Variants in RSPO3 observed in about 807,000 individuals in gnomAD.
RSPO3 encodes R-spondin-3.
Under a neutral mutation model 36.5 loss-of-function variants are expected in RSPO3, and 17 were observed. The observed-to-expected ratio is 0.47, with a 90% CI of 0.32 to 0.70. RSPO3 has a LOEUF of 0.70. Among genes scored for constraint, RSPO3 ranks in the 30% least tolerant of loss-of-function variants. The pLI, the probability that RSPO3 is intolerant of heterozygous loss-of-function variation, is 0.04. For synonymous variants in RSPO3, 108 were observed against 107.0 expected (o/e 1.01, Z -0.06); for missense variants, 294 against 322.5 (o/e 0.91, Z 0.68).
intron 1 of RSPO3, among the ~76,000 whole-genome samples, chr6:127,125,539 A>G (rs1038730889): frequency 6.6e-6 from 1 of 152,180 alleles, no homozygotes; most frequent in Non-Finnish European, 1.5e-5. Context: ...TCAACATTTA[A>G]TCTTTTGGTA....
At chr6:127,163,721 T>A (rs911219397) in intron 4 of RSPO3, among the ~76,000 whole-genome samples, 1 of 152,090 alleles carries the variant, frequency 6.6e-6, no homozygotes, top group Non-Finnish European at 1.5e-5. Flanking sequence ...TACTTATTAC[T>A]TTAATAGCAA....
rs1395708841 is a variant in RSPO3, at chr6:127,192,381, T to TA, written c.635-3440dup. 1.3e-5 allele frequency among the ~76,000 whole-genome samples: 2 copies of TA among 152,230 alleles called. 1 individual carries two copies. Among genetic ancestry groups the TA allele is most frequent in the East Asian group, 3.8e-4 (2 of 5,202 alleles). On this transcript the variant is annotated intron_variant, in intron 4 of 4. Transcript: ENST00000356698. ...CTAAATGCTCTACCAGCATCTCATT[T>TA]AATCCTTATGAAGTTTAGCAAGAAG...
intron 4 of RSPO3, among the ~76,000 whole-genome samples, chr6:127,176,644 C>T (rs1775061518): frequency 1.3e-5 from 2 of 151,706 alleles, no homozygotes; most frequent in South Asian, 4.1e-4. Context: ...TATGTGTCAA[C>T]AGAAAGTAAT....
chr6:127,145,307 C>T (rs979599672), intron 1 of RSPO3, among the ~76,000 whole-genome samples: 7 of 152,022 alleles, frequency 4.6e-5, no homozygotes, highest in African/African-American at 1.5e-4. Context: ...TTGCCTCTGC[C>T]GTACTTTAAG....
chr6:127,150,217 A>G (rs564106968), intron 2 of RSPO3, among the ~76,000 whole-genome samples: 1 of 151,920 alleles, frequency 6.6e-6, no homozygotes, highest in Admixed American at 6.6e-5. Flanking sequence ...TCATAGGGCA[A>G]TCAGTACAAT....
chr6:127,150,213 G>A (rs1016316967), intron 2 of RSPO3, among the ~76,000 whole-genome samples: 1 of 150,340 alleles, frequency 6.7e-6, no homozygotes, highest in Non-Finnish European at 1.5e-5. Flanking sequence ...TTTTTCATAG[G>A]GCAATCAGTA....
At chr6:127,188,261 A>C (rs1775335726) in intron 4 of RSPO3, among the ~76,000 whole-genome samples, 1 of 152,226 alleles carries the variant, frequency 6.6e-6, no homozygotes, top group East Asian at 1.9e-4. Flanking sequence ...GCAATGGTCC[A>C]TTTGTAAGGA....
chr6:127,145,094 T>A (rs1774356077), intron 1 of RSPO3, among the ~76,000 whole-genome samples: 1 of 152,168 alleles, frequency 6.6e-6, no homozygotes, highest in Non-Finnish European at 1.5e-5. Context: ...AACGTCAGTA[T>A]TCTATGCACC....
intron 1 of RSPO3, chr6:127,120,020 C>G (rs1043169582): frequency 6.6e-6 from 1 of 152,368 alleles, no homozygotes; most frequent in African/African-American, 2.4e-5. Flanking sequence ...TGTACCATCT[C>G]TGGCCCTTTC....
intron 4 of RSPO3, among the ~76,000 whole-genome samples, chr6:127,187,097 G>A (rs1775309684): frequency 6.6e-6 from 1 of 152,140 alleles, no homozygotes; most frequent in African/African-American, 2.4e-5. Context: ...AGCAGCAGGG[G>A]GCGCCAGCGG....
At chr6:127,123,031 G>T (rs191101625) in intron 1 of RSPO3, among the ~76,000 whole-genome samples, 9 of 151,970 alleles carry the variant, frequency 5.9e-5, no homozygotes, top group Admixed American at 3.3e-4. Flanking sequence ...ATAAAACTTC[G>T]CAAGTCTTTC....
At chr6:127,126,206 G>C (rs1189409034) in intron 1 of RSPO3, among the ~76,000 whole-genome samples, 1 of 151,982 alleles carries the variant, frequency 6.6e-6, no homozygotes, top group Non-Finnish European at 1.5e-5. Context: ...GGACGTTTAG[G>C]AACTCAAAAC....
chr6:127,126,519 A>G (rs1773941850), intron 1 of RSPO3, among the ~76,000 whole-genome samples: 1 of 152,064 alleles, frequency 6.6e-6, no homozygotes, highest in Non-Finnish European at 1.5e-5. Flanking sequence ...CATAAGCTGT[A>G]GTTGTTGTTG....
At chr6:127,182,494 A>G (rs937102184) in intron 4 of RSPO3, among the ~76,000 whole-genome samples, 2 of 151,890 alleles carry the variant, frequency 1.3e-5, no homozygotes, top group African/African-American at 4.8e-5. Flanking sequence ...TAAATGAGAA[A>G]TATTTATTTT....
chr6:127,150,640 C>A (rs1360888518), intron 3 of RSPO3, 68 bp downstream of exon 3: 13 of 1,476,742 alleles, frequency 8.8e-6, no homozygotes, highest in Non-Finnish European at 1.1e-5. Context: ...TTTTCAAAGT[C>A]CTTTGCCAAA....
At chr6:127,181,837 C>T (rs1333802103) in intron 4 of RSPO3, among the ~76,000 whole-genome samples, 6 of 151,974 alleles carry the variant, frequency 3.9e-5, no homozygotes, top group Non-Finnish European at 5.9e-5. Context: ...TCATTGATCA[C>T]GTATCCCCGT....
At chr6:127,144,353 T>C (rs1774337402) in intron 1 of RSPO3, among the ~76,000 whole-genome samples, 1 of 152,092 alleles carries the variant, frequency 6.6e-6, no homozygotes, top group South Asian at 2.1e-4. Flanking sequence ...ATATCAAAGA[T>C]CTCTATTTTC....
chr6:127,175,073 T>TG, intron 4 of RSPO3, among the ~76,000 whole-genome samples: 1 of 151,916 alleles, frequency 6.6e-6, no homozygotes, highest in Non-Finnish European at 1.5e-5. Flanking sequence ...CTTACTTCAA[T>TG]GCAAAAACGT....
intron 4 of RSPO3, among the ~76,000 whole-genome samples, chr6:127,171,360 G>A (rs1381396176): frequency 6.6e-6 from 1 of 151,750 alleles, no homozygotes; most frequent in Non-Finnish European, 1.5e-5. Context: ...TGCTGTAGCT[G>A]TAGGATGTTG....
Sources: allele counts gnomAD v4.1 joint callset (sites outside exome capture counted in the v4.1 genomes callset), GRCh38; gene constraint gnomAD v4.1.1; transcripts MANE v1.5; gene names NCBI Gene and HGNC (gene_info 2026-07-23, HGNC 2026-07-21).